EXOC4: variants seen among roughly 807,000 people sequenced by gnomAD.
The protein encoded by EXOC4 is SEC8-like 1.
Under a neutral mutation model 107.2 loss-of-function variants are expected in EXOC4, and 71 were observed. The observed-to-expected ratio is 0.66, with a 90% CI of 0.55 to 0.81. EXOC4 has a LOEUF of 0.81. Among genes scored for constraint, EXOC4 ranks in the 30% least tolerant of loss-of-function variants. EXOC4 has a pLI of 0.00. For synonymous variants in EXOC4, 456 were observed against 441.2 expected, an observed-to-expected ratio of 1.03 and a Z score of -0.42; for missense variants, 1,108 against 1,189.6, an observed-to-expected ratio of 0.93 and a Z score of 1.01.
chr7:133,576,823 C>G (rs1177764700), intron 9 of EXOC4: 1 of 1,289,396 alleles, frequency 7.8e-7, no homozygotes, highest in African/African-American at 1.5e-5. Context: ...TACTGAACTC[C>G]TCGAGATTTA....
intron 9 of EXOC4, among the ~76,000 whole-genome samples, chr7:133,628,529 A>G (rs1802511018): frequency 6.6e-6 from 1 of 152,186 alleles, no homozygotes; most frequent in African/African-American, 2.4e-5. Context: ...TAAAAGGTGG[A>G]GAGAGGTCAG....
chr7:133,888,441 G>A (rs1193839888), intron 11 of EXOC4, among the ~76,000 whole-genome samples: 1 of 152,146 alleles, frequency 6.6e-6, no homozygotes, highest in Non-Finnish European at 1.5e-5. Context: ...AAGCTGCTCA[G>A]CCTGTGATTA....
At chr7:133,499,612 A>G (rs543932087) in intron 9 of EXOC4, among the ~76,000 whole-genome samples, 108 of 152,214 alleles carry the variant, frequency 7.1e-4, no homozygotes, top group African/African-American at 2.4e-3. Flanking sequence ...TGGTTTAGAT[A>G]TGTGTCCCTG....
At chr7:133,706,430 C>G (rs1286362422) in intron 10 of EXOC4, among the ~76,000 whole-genome samples, 1 of 152,174 alleles carries the variant, frequency 6.6e-6, no homozygotes, top group Admixed American at 6.5e-5. Context: ...TGGAAACTCA[C>G]AAGTCATCAT....
the EXOC4 span, among the ~76,000 whole-genome samples, chr7:134,091,982 A>G: frequency 6.6e-6 from 1 of 152,236 alleles, no homozygotes; most frequent in Non-Finnish European, 1.5e-5. Context: ...CATCCCCAAT[A>G]TATCTCTTTA....
intron 10 of EXOC4, among the ~76,000 whole-genome samples, chr7:133,737,039 A>G (rs1795459034): frequency 6.6e-6 from 1 of 152,218 alleles, no homozygotes. Flanking sequence ...GTTATTATCT[A>G]AAACCTATAG....
At chr7:133,319,838 CTTT>C (rs35274622) in intron 5 of EXOC4, among the ~76,000 whole-genome samples, 14 of 94,628 alleles carry the variant, frequency 1.5e-4, no homozygotes, top group Non-Finnish European at 2.4e-4. Context: ...TGATCGTGTG[CTTT>C]TTTTTTTTTT....
chr7:133,390,103 G>C (rs1474199283), intron 7 of EXOC4, among the ~76,000 whole-genome samples: 2 of 152,144 alleles, frequency 1.3e-5, no homozygotes, highest in East Asian at 3.9e-4. Context: ...CAGCTAGATT[G>C]ATCATGGGGG....
chr7:133,574,260 T>C (rs1337272396), intron 9 of EXOC4, among the ~76,000 whole-genome samples: 2 of 152,188 alleles, frequency 1.3e-5, no homozygotes, highest in African/African-American at 4.8e-5. Flanking sequence ...CATATACTCA[T>C]GTATAATTAT....
intron 5 of EXOC4, among the ~76,000 whole-genome samples, chr7:133,331,853 A>G (rs1409588873): frequency 6.6e-6 from 1 of 152,150 alleles, no homozygotes; most frequent in Non-Finnish European, 1.5e-5. Flanking sequence ...TCCCAGTCTA[A>G]ATATGTAGGG....
At chr7:133,942,121 A>G (rs1442120523) in intron 14 of EXOC4, among the ~76,000 whole-genome samples, 1 of 152,120 alleles carries the variant, frequency 6.6e-6, no homozygotes, top group African/African-American at 2.4e-5. Flanking sequence ...GACTACACAG[A>G]ATTTGAAGGA....
chr7:133,839,377 T>C (rs1797981078), intron 11 of EXOC4, among the ~76,000 whole-genome samples: 1 of 152,226 alleles, frequency 6.6e-6, no homozygotes. Context: ...TTTTAAATGT[T>C]TTTTAATAAG....
intron 17 of EXOC4, among the ~76,000 whole-genome samples, chr7:134,039,601 T>C (rs970735525): frequency 6.6e-6 from 1 of 152,146 alleles, no homozygotes; most frequent in African/African-American, 2.4e-5. Context: ...TAGTCCTCCA[T>C]TCAGAGCTGA....
At chr7:133,623,904 T>C (rs769278355) in intron 9 of EXOC4, among the ~76,000 whole-genome samples, 17 of 152,192 alleles carry the variant, frequency 1.1e-4, no homozygotes, top group Non-Finnish European at 1.6e-4. Context: ...AATAAGCACT[T>C]ACTAAGGAAT....
At chr7:133,562,828 A>G (rs976866797) in intron 9 of EXOC4, among the ~76,000 whole-genome samples, 2 of 152,212 alleles carry the variant, frequency 1.3e-5, no homozygotes, top group Non-Finnish European at 2.9e-5. Context: ...CCTCTTAATA[A>G]GAGCTTTTAA....
At chr7:133,678,605 CT>C (rs879722356) in intron 10 of EXOC4, among the ~76,000 whole-genome samples, 2,910 of 145,578 alleles carry the variant, frequency 0.02, 33 homozygotes, top group Non-Finnish European at 0.028. Context: ...CTCCCACCCT[CT>C]TTTTTTTTTT....
intron 1 of EXOC4, among the ~76,000 whole-genome samples, chr7:133,254,665 C>G (rs950713218): frequency 2.6e-5 from 4 of 152,104 alleles, no homozygotes; most frequent in Non-Finnish European, 5.9e-5. Flanking sequence ...CTGAGTTTTG[C>G]AAAGATGAAG....
chr7:133,284,131 G>A (rs1216244748), intron 2 of EXOC4, among the ~76,000 whole-genome samples: 2 of 152,186 alleles, frequency 1.3e-5, no homozygotes, highest in East Asian at 1.9e-4. Flanking sequence ...ATTCTATTTC[G>A]CTTTTCCTTC....
At chr7:133,990,511 G>A (rs1224327656) in intron 14 of EXOC4, among the ~76,000 whole-genome samples, 12 of 152,154 alleles carry the variant, frequency 7.9e-5, no homozygotes, top group Middle Eastern at 3.4e-3. Context: ...GTGCAGTGGC[G>A]CAATCTCGGC....
Sources: allele counts gnomAD v4.1 joint callset (sites outside exome capture counted in the v4.1 genomes callset), GRCh38; gene constraint gnomAD v4.1.1; transcripts MANE v1.5; gene names NCBI Gene and HGNC (gene_info 2026-07-23, HGNC 2026-07-21).